The following ZNF493 variants were observed in gnomAD, a reference collection of about 807,000 sequenced individuals.
ZNF493 encodes the protein zinc finger protein 493.
ZNF493 carries 11 observed loss-of-function variants against 12.2 expected under a neutral mutation model. The observed-to-expected ratio is 0.90, with a 90% CI of 0.57 to 1.50. The LOEUF (loss-of-function observed/expected upper bound fraction) is 1.50. Among genes scored for constraint, ZNF493 ranks in the 40% most tolerant of loss-of-function variants. ZNF493 has a pLI of 0.00. For synonymous variants in ZNF493, 286 were observed against 302.6 expected (o/e 0.95, Z 0.57); for missense variants, 950 against 906.6 (o/e 1.05, Z -0.61).
At chr19:21,412,760 G>A (rs779198967) in intron 3 of ZNF493, 1 of 274,958 alleles carries the variant, frequency 3.6e-6, no homozygotes, top group Admixed American at 4.9e-5. Context: ...CATCAGGTGT[G>A]CTTGGGATGC....
In ZNF493 at chr19:21,426,046, T is replaced by C; in HGVS notation, c.*1062T>C. ...ATTGTGAAAAATATGGCAAAGGCTT[T>C]AACTAGTCCTCAGTTCTTAACACAC... On this transcript the variant is annotated 3_prime_UTR_variant, in exon 4 of 4. Transcript: ENST00000392288. 1 of 447,190 alleles carries C rather than the reference T, an allele frequency of 2.2e-6. No individual in the cohort carries two copies. The highest frequency in any genetic ancestry group is 4.4e-6 in the Non-Finnish European group (1 of 228,600). The allele number at this position is 447,190 out of a possible 1,614,324, so 27.7% of individuals were successfully genotyped here. A position where few individuals can be genotyped will look rare whatever the true frequency, so the allele number is the denominator to read the frequency against.
chr19:21,418,312 C>T (rs1353692227), intron 3 of ZNF493, among the ~76,000 whole-genome samples: 1 of 152,192 alleles, frequency 6.6e-6, no homozygotes, highest in Non-Finnish European at 1.5e-5. Flanking sequence ...TCATTACACT[C>T]TCCTTCCTCC....
chr19:21,399,084 G>A (rs1974218856), intron 1 of ZNF493: 1 of 152,340 alleles, frequency 6.6e-6, no homozygotes, highest in African/African-American at 2.4e-5. Flanking sequence ...GGAGTGGGTG[G>A]AAGAATCTCT....
intron 1 of ZNF493, among the ~76,000 whole-genome samples, chr19:21,401,602 C>T (rs1272171355): frequency 6.6e-6 from 1 of 151,536 alleles, no homozygotes; most frequent in Non-Finnish European, 1.5e-5. Context: ...TTTTGGTGGG[C>T]AGGCTATTTA....
intron 3 of ZNF493, among the ~76,000 whole-genome samples, chr19:21,416,573 A>G (rs574096903): frequency 6.6e-6 from 1 of 152,134 alleles, no homozygotes; most frequent in Non-Finnish European, 1.5e-5. Context: ...GTATCTACCA[A>G]ACCTTTAAAT....
chr19:21,412,860 A>T (rs1217230808), intron 3 of ZNF493: 2 of 361,000 alleles, frequency 5.5e-6, no homozygotes, highest in Non-Finnish European at 1.1e-5. Flanking sequence ...TTTTGATCTT[A>T]TTAAGAACTA....
Position 21,424,012 on chromosome 19 carries a change from T to A in ZNF493, c.1353T>A (p.His451Gln), listed in dbSNP as rs1337527428. The change falls in exon 4 of 4, where the codon CAT (histidine) becomes CAA (glutamine). Residue 451 changes from histidine to glutamine, a missense_variant. Transcript: ENST00000392288. ...GTGTATTCTCAATTCTTACTAAACA[T>A]AAAATAATTCATACAGAAGAGAAAC... ...TFSVFSILTKHKIIHTEEKPY... is the reference protein window; with the variant it reads ...TFSVFSILTKQKIIHTEEKPY... 1 of 1,613,276 alleles carries A rather than the reference T, an allele frequency of 6.2e-7. No homozygotes were observed. Among genetic ancestry groups the A allele is most frequent in the Non-Finnish European group, 8.5e-7 (1 of 1,179,714 alleles).
chr19:21,413,094 C>T (rs1002116555), intron 3 of ZNF493: 6 of 288,486 alleles, frequency 2.1e-5, no homozygotes, highest in African/African-American at 1.4e-4. Flanking sequence ...AGGAGACCAG[C>T]TAATAATGAT....
chr19:21,402,519 G>C (rs1195517683), intron 1 of ZNF493, among the ~76,000 whole-genome samples: 1 of 152,130 alleles, frequency 6.6e-6, no homozygotes, highest in Non-Finnish European at 1.5e-5. Flanking sequence ...TCTGCTTGCT[G>C]TAACACCCAA....
intron 3 of ZNF493, chr19:21,412,980 C>A: frequency 2.5e-6 from 1 of 393,734 alleles, no homozygotes. Context: ...TCTTGCCATA[C>A]TTCTTATCAT....
At chr19:21,401,437 A>C (rs1037482976) in intron 1 of ZNF493, among the ~76,000 whole-genome samples, 7 of 152,008 alleles carry the variant, frequency 4.6e-5, no homozygotes, top group Non-Finnish European at 7.4e-5. Context: ...ATATTTGCCA[A>C]ATTTTCATAT....
At chr19:21,400,332 C>T (rs974589780) in intron 1 of ZNF493, among the ~76,000 whole-genome samples, 5 of 151,996 alleles carry the variant, frequency 3.3e-5, no homozygotes, top group Non-Finnish European at 7.4e-5. Context: ...ATGGCTTAAA[C>T]CTAAGAGGTT....
At chr19:21,416,533 T>G (rs1467640973) in intron 3 of ZNF493, among the ~76,000 whole-genome samples, 1 of 152,220 alleles carries the variant, frequency 6.6e-6, no homozygotes, top group Non-Finnish European at 1.5e-5. Context: ...TGGCCAATGC[T>G]GTAGAGAAAA....
intron 1 of ZNF493, among the ~76,000 whole-genome samples, chr19:21,401,384 T>C (rs1405256481): frequency 6.6e-6 from 1 of 152,190 alleles, no homozygotes; most frequent in Non-Finnish European, 1.5e-5. Context: ...TTCATCAATG[T>C]TCATTAAAAA....
chr19:21,424,906 T>C lies in ZNF493; in HGVS notation c.2247T>C (p.Ala749=). Reference sequence around the variant, plus strand: ...ACAAATGTGAAGCATGTGGCAAAGCTTTTAGGCGGTCTTCACATCTTAGTA... The same window carrying C: ...ACAAATGTGAAGCATGTGGCAAAGCCTTTAGGCGGTCTTCACATCTTAGTA... ...KPYKCEACGK[A]FRRSSHLSRH... Residue 749 remains alanine, a synonymous_variant, in exon 4 of 4, where the codon GCT becomes GCC. Transcript: ENST00000392288. The C allele has an allele frequency of 6.2e-7, 1 of 1,612,888 alleles. No homozygotes were observed. Among genetic ancestry groups the C allele is most frequent in the Non-Finnish European group, 8.5e-7 (1 of 1,179,346 alleles).
intron 1 of ZNF493, 113 bp downstream of exon 1, chr19:21,397,380 C>T (rs960826101): frequency 7.8e-7 from 1 of 1,284,964 alleles, no homozygotes; most frequent in Admixed American, 1.7e-5. Context: ...CAATCTGCTC[C>T]CTGAGTTCTC....
At chr19:21,411,705 G>C (rs1308071942) in intron 3 of ZNF493, among the ~76,000 whole-genome samples, 1 of 150,356 alleles carries the variant, frequency 6.7e-6, no homozygotes, top group African/African-American at 2.4e-5. Flanking sequence ...GGGTGACAGA[G>C]TGAGACTCCA....
At chr19:21,414,163 A>G (rs1050973348) in intron 3 of ZNF493, 1 of 152,230 alleles carries the variant, frequency 6.6e-6, no homozygotes, top group Non-Finnish European at 1.5e-5. Context: ...CCTGATTGGC[A>G]TGTAGCCCAG....
At chr19:21,413,693 G>A (rs2030396810) in intron 3 of ZNF493, 1 of 400,626 alleles carries the variant, frequency 2.5e-6, no homozygotes, top group Non-Finnish European at 4.3e-6. Context: ...TTGGCCTGGA[G>A]GAACACAAGC....
Sources: allele counts gnomAD v4.1 joint callset (sites outside exome capture counted in the v4.1 genomes callset), GRCh38; gene constraint gnomAD v4.1.1; transcripts MANE v1.5; gene names NCBI Gene and HGNC (gene_info 2026-07-23, HGNC 2026-07-21).